DMD: variants seen among roughly 807,000 people sequenced by gnomAD.
DMD encodes the protein mutant dystrophin.
A neutral mutation model predicts 330.1 loss-of-function variants in DMD; 63 were observed. The observed-to-expected ratio is 0.19, with a 90% confidence interval of 0.16 to 0.24. The LOEUF (loss-of-function observed/expected upper bound fraction) is 0.24. Ranked by LOEUF, DMD falls within the 10% of genes least tolerant of loss-of-function variation. The pLI is 1.00. For synonymous variants in DMD, 1,223 were observed against 959.8 expected, an observed-to-expected ratio of 1.27 and a Z score of -5.07; for missense variants, 3,344 against 2,684.1, an observed-to-expected ratio of 1.25 and a Z score of -5.43.
At chrX:32,547,787 A>G (rs1286458012) in intron 16 of DMD, among the ~76,000 whole-genome samples, 1 of 111,411 alleles carries the variant, frequency 9.0e-6, no homozygotes, top group Non-Finnish European at 1.9e-5. Context: ...TACTCCCTGA[A>G]ACAGAAAGCT....
chrX:31,181,185 T>A (rs2041122164), intron 68 of DMD, among the ~76,000 whole-genome samples: 1 of 111,888 alleles, frequency 8.9e-6, no homozygotes, highest in Non-Finnish European at 1.9e-5. Flanking sequence ...CAGAATGCGA[T>A]ATTCTTTGTT....
intron 7 of DMD, among the ~76,000 whole-genome samples, chrX:32,753,118 C>A (rs1358484512): frequency 2.7e-5 from 3 of 111,326 alleles, no homozygotes; most frequent in Non-Finnish European, 5.6e-5. Context: ...TTCTCCACAA[C>A]AAGCTAGTAC....
At chrX:32,478,827 A>G (rs1302382725) in intron 21 of DMD, among the ~76,000 whole-genome samples, 4 of 111,615 alleles carry the variant, frequency 3.6e-5, no homozygotes, top group African/African-American at 9.8e-5. Context: ...GTGGTCTGAC[A>G]TGAGTGAAAT....
At chrX:32,765,965 A>C (rs1368630161) in intron 7 of DMD, among the ~76,000 whole-genome samples, 1 of 111,725 alleles carries the variant, frequency 9.0e-6, no homozygotes, top group Non-Finnish European at 1.9e-5. Context: ...TCATTAAAAA[A>C]TCATTAAAAA....
intron 7 of DMD, among the ~76,000 whole-genome samples, chrX:32,733,788 C>T (rs1349827084): frequency 7.6e-5 from 8 of 105,291 alleles, no homozygotes; most frequent in African/African-American, 2.8e-4. Flanking sequence ...ATTTATAGCA[C>T]TAAATGCCCA....
rs746626486 is a variant in DMD, at chrX:32,699,138, G to C, written c.805C>G (p.His269Asp). ...KVTKEEHFQLHHQMHYSQQIT... is the reference protein window; with the variant it reads ...KVTKEEHFQLDHQMHYSQQIT... ...TGTTGAGAATAGTGCATTTGATGAT[G>C]TAACTGAAAATGTTCTTCTTTAGTC... is the stretch of plus-strand genomic sequence containing the variant. The change falls in exon 8 of 79, where the codon CAT becomes GAT. Residue 269 changes from histidine to aspartate, a missense_variant. Coordinates refer to ENST00000357033, the MANE Select transcript of DMD (RefSeq NM_004006.3). 4.1e-6 allele frequency: 5 copies of C among 1,208,399 alleles called. No individual in the cohort carries two copies. The East Asian group carries it at 1.5e-4, about 36-fold the overall frequency.
chrX:32,440,169 T>A (rs1310273884), intron 28 of DMD, among the ~76,000 whole-genome samples: 1 of 111,762 alleles, frequency 8.9e-6, no homozygotes, highest in Non-Finnish European at 1.9e-5. Flanking sequence ...GTAAATTTGC[T>A]GCAACTTTTC....
At chrX:32,188,054 A>G (rs2096955522) in intron 44 of DMD, among the ~76,000 whole-genome samples, 1 of 111,094 alleles carries the variant, frequency 9.0e-6, no homozygotes, top group Non-Finnish European at 1.9e-5. Context: ...GATAAAGTAA[A>G]TCAAATGCAG....
At chrX:31,278,351 G>C (rs769719680) in intron 62 of DMD, among the ~76,000 whole-genome samples, 2 of 111,450 alleles carry the variant, frequency 1.8e-5, no homozygotes, top group South Asian at 7.7e-4. Context: ...GTAAGGGCTG[G>C]AACATTACAA....
At chrX:33,211,645 AG>A, upstream of DMD, 1 of 785,431 alleles carries the variant, frequency 1.3e-6, no homozygotes, top group Non-Finnish European at 1.6e-6. Flanking sequence ...TTCCCATAAT[AG>A]GACTGTCCAT....
intron 2 of DMD, among the ~76,000 whole-genome samples, chrX:32,917,586 C>A (rs952829144): frequency 9.0e-6 from 1 of 111,351 alleles, no homozygotes; most frequent in East Asian, 2.8e-4. Context: ...AATCTCCGCT[C>A]TATAATTTCT....
At chrX:33,238,986 G>A (rs1304334268) in intron 1 of DMD, among the ~76,000 whole-genome samples, 4 of 110,691 alleles carry the variant, frequency 3.6e-5, no homozygotes, top group Admixed American at 1.9e-4. Flanking sequence ...GCCGGGTGTG[G>A]TGGCTCACAC....
intron 59 of DMD, among the ~76,000 whole-genome samples, chrX:31,459,827 A>G (rs1203818924): frequency 8.9e-6 from 1 of 112,058 alleles, no homozygotes; most frequent in Non-Finnish European, 1.9e-5. Flanking sequence ...CCAATTTTCA[A>G]CAACACTGAA....
intron 9 of DMD, among the ~76,000 whole-genome samples, chrX:32,691,610 A>T (rs906595795): frequency 5.4e-5 from 6 of 111,208 alleles, no homozygotes; most frequent in African/African-American, 2.0e-4. Flanking sequence ...TGCTCCTCAA[A>T]AATTAAAAAC....
chrX:31,958,529 T>C (rs2095269629), intron 45 of DMD, among the ~76,000 whole-genome samples: 1 of 111,602 alleles, frequency 9.0e-6, no homozygotes, highest in African/African-American at 3.3e-5. Flanking sequence ...AGTGGTACTC[T>C]GTGGCCCCAT....
Position 33,051,646 on chromosome X carries a change from A to ATTTTTTTTTTTTTTTTTTTTTTT in DMD, c.32-31447_32-31446insAAAAAAAAAAAAAAAAAAAAAAA, listed in dbSNP as rs754035822. Among the ~76,000 whole-genome samples, 14 of 71,922 alleles carry ATTTTTTTTTTTTTTTTTTTTTTT rather than the reference A, an allele frequency of 1.9e-4. 1 individual carries two copies. Among genetic ancestry groups the ATTTTTTTTTTTTTTTTTTTTTTT allele is most frequent in the African/African-American group, 9.1e-4 (14 of 15,371 alleles). The allele number at this position is 71,922 out of a possible 115,157, so 62.5% of individuals were successfully genotyped here. A position where few individuals can be genotyped will look rare whatever the true frequency, so the allele number is the denominator to read the frequency against. On this transcript the variant is annotated intron_variant, in intron 1 of 78. Coordinates refer to ENST00000357033, the MANE Select transcript of DMD (RefSeq NM_004006.3). ...TAAGGAAAATATATAATTACGCTCT[A>ATTTTTTTTTTTTTTTTTTTTTTT]TTTTTTTTTTTTTTTTTTTGAGACG...
intron 9 of DMD, among the ~76,000 whole-genome samples, chrX:32,674,731 AAG>A (rs1254674208): frequency 1.8e-5 from 2 of 111,215 alleles, no homozygotes; most frequent in African/African-American, 3.3e-5. Context: ...AACAAGGGAA[AAG>A]AGTTTCCAAG....
rs2055458426 is a variant in DMD, at chrX:32,595,840, C to T, written c.1519G>A (p.Val507Ile). The T allele has an allele frequency of 2.0e-5, 24 of 1,203,007 alleles. No homozygotes were observed. In the East Asian group the frequency reaches 7.1e-4, roughly 36 times the overall value. ...QEDLEQEQVR[V>I]NSLTHMVVVV... ...ACCACCATGTGAGTGAGAGAATTGA[C>T]CCTGACTTGTTCTTGTTCTAGATCT... Residue 507 changes from valine to isoleucine, a missense_variant, in exon 13 of 79, where the codon GTC (valine) becomes ATC (isoleucine). By Grantham distance (29) the Val-to-Ile change is conservative. Transcript: ENST00000357033.
At chrX:31,900,499 A>C (rs1319095164) in intron 47 of DMD, among the ~76,000 whole-genome samples, 11 of 111,348 alleles carry the variant, frequency 9.9e-5, no homozygotes, top group Non-Finnish European at 2.1e-4. Flanking sequence ...AGGTCTCCCC[A>C]GCCAAGTGGA....
Sources: gnomAD v4.1 joint callset for allele counts (sites outside exome capture counted in the v4.1 genomes callset) on GRCh38, gnomAD v4.1.1 for gene constraint, MANE v1.5 for transcripts, NCBI Gene and HGNC (gene_info 2026-07-23, HGNC 2026-07-21) for gene names.